Variants in MGAT4C observed in about 807,000 individuals in gnomAD.
MGAT4C encodes alpha-1,3-mannosyl-glycoprotein 4-beta-N-acetylglucosaminyltransferase C.
MGAT4C carries 19 observed loss-of-function variants against 40.1 expected under a neutral mutation model. The ratio of observed to expected loss-of-function variants is 0.47; its 90% CI spans 0.33 to 0.70. The LOEUF (loss-of-function observed/expected upper bound fraction) is 0.70, where lower values mean the gene tolerates loss of function less well. Ranked by LOEUF, MGAT4C falls within the 30% of genes least tolerant of loss-of-function variation. The pLI is 0.02. For synonymous variants in MGAT4C, 181 were observed against 187.1 expected (o/e 0.97, Z 0.27); for missense variants, 491 against 563.2 (o/e 0.87, Z 1.30).
At chr12:86,287,205 C>A (rs1256131216) in intron 4 of MGAT4C, among the ~76,000 whole-genome samples, 1 of 152,050 alleles carries the variant, frequency 6.6e-6, no homozygotes, top group African/African-American at 2.4e-5. Context: ...CCACCCTACA[C>A]ACACCAGGGA....
At chr12:86,526,163 G>A (rs1022148937) in intron 2 of MGAT4C, among the ~76,000 whole-genome samples, 1 of 152,060 alleles carries the variant, frequency 6.6e-6, no homozygotes, top group Non-Finnish European at 1.5e-5. Context: ...GATGGGGGAG[G>A]GTCTGCTGTT....
chr12:86,445,791 T>TA (rs1957323724), intron 2 of MGAT4C, among the ~76,000 whole-genome samples: 1 of 152,184 alleles, frequency 6.6e-6, no homozygotes, highest in Admixed American at 6.6e-5. Flanking sequence ...AAACAAATAT[T>TA]ATGTCTTGTA....
intron 1 of MGAT4C, among the ~76,000 whole-genome samples, chr12:86,143,651 T>A (rs1883151861): frequency 1.3e-5 from 2 of 152,184 alleles, no homozygotes; most frequent in African/African-American, 4.8e-5. Flanking sequence ...GCTTACTTAA[T>A]CAGCCTTAGT....
At chr12:86,594,175 G>A (rs1006650906) in intron 2 of MGAT4C, among the ~76,000 whole-genome samples, 1 of 152,106 alleles carries the variant, frequency 6.6e-6, no homozygotes, top group Non-Finnish European at 1.5e-5. Flanking sequence ...CAGCTTCAGC[G>A]ATATGTAGCT....
intron 2 of MGAT4C, among the ~76,000 whole-genome samples, chr12:86,479,754 C>A (rs55904324): frequency 0.1 from 15,738 of 151,764 alleles, 1,021 homozygotes; most frequent in Middle Eastern, 0.24. Context: ...TTTTCACTTT[C>A]AAAGTTACCT....
At chr12:86,549,995 C>T (rs892973280) in intron 2 of MGAT4C, among the ~76,000 whole-genome samples, 1 of 152,114 alleles carries the variant, frequency 6.6e-6, no homozygotes, top group Non-Finnish European at 1.5e-5. Flanking sequence ...CTGTAATCCC[C>T]ACCTGTCCAG....
intron 2 of MGAT4C, among the ~76,000 whole-genome samples, chr12:86,602,146 C>G (rs1265238735): frequency 2.6e-5 from 4 of 152,146 alleles, no homozygotes; most frequent in Non-Finnish European, 5.9e-5. Context: ...CATTTTCTCC[C>G]TTGCTGTTCC....
At chr12:86,376,881 AAGAG>A (rs35606989) in intron 3 of MGAT4C, among the ~76,000 whole-genome samples, 3 of 145,702 alleles carry the variant, frequency 2.1e-5, no homozygotes, top group Non-Finnish European at 3.0e-5. Context: ...GAAAAAGAGA[AAGAG>A]AGCTGTTGAG....
chr12:86,155,378 A>G (rs942742213), intron 1 of MGAT4C, among the ~76,000 whole-genome samples: 6 of 152,206 alleles, frequency 3.9e-5, no homozygotes, highest in African/African-American at 1.4e-4. Context: ...TGCAGCAGTA[A>G]TATGAGTAAG....
intron 1 of MGAT4C, among the ~76,000 whole-genome samples, chr12:86,084,382 C>G (rs1046132321): frequency 2.0e-5 from 3 of 151,930 alleles, no homozygotes; most frequent in African/African-American, 7.2e-5. Context: ...ATTGATAAAT[C>G]TATTCTTTAA....
chr12:86,501,695 T>C (rs1958346049), intron 2 of MGAT4C, among the ~76,000 whole-genome samples: 1 of 152,122 alleles, frequency 6.6e-6, no homozygotes, highest in Non-Finnish European at 1.5e-5. Context: ...TATGGCTGCA[T>C]AGTATTCCAT....
chr12:86,121,639 C>CA lies in MGAT4C; in HGVS notation c.-56-71917_-56-71916insT, dbSNP rs559906290. Reference sequence around the variant, plus strand: ...TTTCAACCCAGAATTTCATATCCAGCCAAACTAAGCTTCATAAGTGAAGGA... The same window carrying CA: ...TTTCAACCCAGAATTTCATATCCAGCACAAACTAAGCTTCATAAGTGAAGGA... On this transcript the variant is annotated intron_variant, in intron 1 of 4. Transcript: ENST00000611864. 1.6e-4 allele frequency among the ~76,000 whole-genome samples: 24 copies of CA among 152,248 alleles called. 1 individual carries two copies. In the South Asian group the frequency reaches 5.0e-3, roughly 32 times the overall value.
chr12:86,595,454 C>T (rs1961498306), intron 2 of MGAT4C, among the ~76,000 whole-genome samples: 1 of 151,850 alleles, frequency 6.6e-6, no homozygotes, highest in African/African-American at 2.4e-5. Flanking sequence ...TCGCTTGAAT[C>T]CGTGAGGCGG....
chr12:86,270,998 C>T (rs1952931662), intron 4 of MGAT4C, among the ~76,000 whole-genome samples: 1 of 152,152 alleles, frequency 6.6e-6, no homozygotes, highest in Non-Finnish European at 1.5e-5. Flanking sequence ...CTATCTTCCA[C>T]ACATGCAACA....
At chr12:86,116,547 T>G (rs999168238) in intron 1 of MGAT4C, among the ~76,000 whole-genome samples, 1 of 151,970 alleles carries the variant, frequency 6.6e-6, no homozygotes, top group African/African-American at 2.4e-5. Context: ...ACAGAAGAAA[T>G]ACCCTAGATT....
chr12:86,580,228 C>G (rs999539905), intron 2 of MGAT4C, among the ~76,000 whole-genome samples: 10 of 151,456 alleles, frequency 6.6e-5, no homozygotes, highest in African/African-American at 2.4e-4. Flanking sequence ...TAAATAGCAA[C>G]TCTCACCTAC....
intron 1 of MGAT4C, among the ~76,000 whole-genome samples, chr12:86,201,062 C>G (rs1486256318): frequency 1.3e-5 from 2 of 152,060 alleles, no homozygotes; most frequent in African/African-American, 4.8e-5. Context: ...TTTGAAATAC[C>G]CACCCTGTGA....
At chr12:86,654,884 A>G (rs923325891) in intron 2 of MGAT4C, among the ~76,000 whole-genome samples, 2 of 152,012 alleles carry the variant, frequency 1.3e-5, no homozygotes, top group African/African-American at 4.8e-5. Flanking sequence ...AATTACTAGA[A>G]CTTTTTGTGG....
intron 1 of MGAT4C, among the ~76,000 whole-genome samples, chr12:86,825,363 G>A (rs1952785469): frequency 6.6e-6 from 1 of 150,992 alleles, no homozygotes; most frequent in Non-Finnish European, 1.5e-5. Flanking sequence ...CTATATACGA[G>A]ATAAACCTGA....
Sources: allele counts gnomAD v4.1 joint callset (sites outside exome capture counted in the v4.1 genomes callset), GRCh38; gene constraint gnomAD v4.1.1; transcripts MANE v1.5; gene names NCBI Gene and HGNC (gene_info 2026-07-23, HGNC 2026-07-21).